The following MAPKAP1 variants were observed in gnomAD, a reference collection of about 807,000 sequenced individuals.
MAPKAP1 encodes target of rapamycin complex 2 subunit MAPKAP1.
MAPKAP1 carries 20 observed loss-of-function variants against 65.7 expected under a neutral mutation model. The ratio of observed to expected loss-of-function variants is 0.30; its 90% CI spans 0.21 to 0.44. The LOEUF (loss-of-function observed/expected upper bound fraction) is 0.44. Ranked by LOEUF, MAPKAP1 falls within the 20% of genes least tolerant of loss-of-function variation. MAPKAP1 has a pLI of 1.00. For missense variants in MAPKAP1, 423 were observed against 648.0 expected (o/e 0.65, Z 3.77); for synonymous variants, 222 against 244.3 (o/e 0.91, Z 0.85).
rs1852415389 is a variant in MAPKAP1 at position 125,439,798 on chromosome 9, C to T, written c.1444-786G>A. Reference sequence around the variant, plus strand: ...CAGCGCTACAGCGCTGAGACTTGGTCCTGGCCCTGGGGAGCTTGCTGCCTG... The same window carrying T: ...CAGCGCTACAGCGCTGAGACTTGGTTCTGGCCCTGGGGAGCTTGCTGCCTG... On this transcript the variant is annotated intron_variant, in intron 11 of 11. Transcript: ENST00000265960. The surrounding 1 kb of genome is among the most constrained non-coding windows in gnomAD (Gnocchi z 4.0). Among the ~76,000 whole-genome samples, 1 of 152,248 alleles carries T rather than the reference C, an allele frequency of 6.6e-6. No individual in the cohort carries two copies. The highest frequency in any genetic ancestry group is 6.5e-5 in the Admixed American group (1 of 15,288).
chr9:125,606,626 A>AGG (rs1832447016), intron 4 of MAPKAP1, among the ~76,000 whole-genome samples: 2 of 152,184 alleles, frequency 1.3e-5, no homozygotes, highest in African/African-American at 4.8e-5. Context: ...GACAATGAAA[A>AGG]CTGGGTTGAA....
intron 4 of MAPKAP1, among the ~76,000 whole-genome samples, chr9:125,651,781 C>T (rs1054847633): frequency 6.6e-6 from 1 of 152,176 alleles, no homozygotes; most frequent in Admixed American, 6.5e-5. Flanking sequence ...ATTATGCAGC[C>T]AACTTCTTTC....
intron 8 of MAPKAP1, among the ~76,000 whole-genome samples, chr9:125,496,249 C>T (rs370934458): frequency 1.3e-5 from 2 of 152,200 alleles, no homozygotes; most frequent in African/African-American, 4.8e-5. Context: ...GTTTCTGTTT[C>T]ATTTAAATTC....
At chr9:125,533,108 C>T (rs893676513) in intron 7 of MAPKAP1, among the ~76,000 whole-genome samples, 3 of 152,088 alleles carry the variant, frequency 2.0e-5, no homozygotes, top group South Asian at 2.1e-4. Context: ...TACGCATACA[C>T]GCCTGCTTTG....
intron 7 of MAPKAP1, among the ~76,000 whole-genome samples, chr9:125,539,926 C>T (rs1377839532): frequency 6.6e-6 from 1 of 152,034 alleles, no homozygotes; most frequent in Non-Finnish European, 1.5e-5. Flanking sequence ...TAGACCTTAG[C>T]AGAGAATTGA....
chr9:125,464,497 T>G (rs949842750), intron 10 of MAPKAP1, among the ~76,000 whole-genome samples: 1 of 152,260 alleles, frequency 6.6e-6, no homozygotes, highest in Non-Finnish European at 1.5e-5. Context: ...GATTTAATTC[T>G]TAATTTCTCA....
chr9:125,521,669 C>T, intron 7 of MAPKAP1: 1 of 1,561,102 alleles, frequency 6.4e-7, no homozygotes, highest in South Asian at 1.2e-5. Flanking sequence ...AGGTTTCTGA[C>T]ATCCAGTCCA....
intron 4 of MAPKAP1, among the ~76,000 whole-genome samples, chr9:125,649,241 A>T (rs1271439822): frequency 6.6e-6 from 1 of 152,108 alleles, no homozygotes; most frequent in Admixed American, 6.6e-5. Context: ...TTCCAACCAG[A>T]TTCCCTCTTC....
chr9:125,604,734 C>T (rs1205044689), intron 4 of MAPKAP1, among the ~76,000 whole-genome samples: 2 of 152,180 alleles, frequency 1.3e-5, no homozygotes, highest in Non-Finnish European at 2.9e-5. Flanking sequence ...AGGGACTGTA[C>T]GTACTCGTGC....
rs1050607434 is a variant in MAPKAP1, at chr9:125,618,860, G to A, written c.499-33133C>T. 3.9e-5 allele frequency among the ~76,000 whole-genome samples: 6 copies of A among 152,268 alleles called. No individual in the cohort carries two copies. In the South Asian group the frequency reaches 6.2e-4, roughly 16 times the overall value. On this transcript the variant is annotated intron_variant, in intron 4 of 11. Coordinates refer to ENST00000265960, the MANE Select transcript of MAPKAP1 (RefSeq NM_001006617.3). ...TGAAAATTTGTCTTAGGCTGGGCATGGTGGCTCATGCCTGGAATATCAGCA... is the reference window on the plus strand; with the variant it reads ...TGAAAATTTGTCTTAGGCTGGGCATAGTGGCTCATGCCTGGAATATCAGCA...
At position 125,489,108 on chromosome 9, in the gene MAPKAP1, CAAGAG is replaced by C. The variant is rs1440374245; in HGVS notation, c.1067-4530_1067-4526del. 4.6e-5 allele frequency among the ~76,000 whole-genome samples: 7 copies of C among 152,174 alleles called. No individual in the cohort carries two copies. In the East Asian group the frequency reaches 1.4e-3, roughly 29 times the overall value. ...TCACATTAAAAAGTCCACTTCTGTTCAAGAGAAGACATTTTTAGCAACTCAAAGTG... is the reference window on the plus strand; with the variant it reads ...TCACATTAAAAAGTCCACTTCTGTTCAAGACATTTTTAGCAACTCAAAGTG... On this transcript the variant is annotated intron_variant, in intron 8 of 11. Coordinates refer to ENST00000265960, the MANE Select transcript of MAPKAP1 (RefSeq NM_001006617.3).
chr9:125,660,333 T>C (rs190288501), intron 3 of MAPKAP1, among the ~76,000 whole-genome samples: 139 of 152,286 alleles, frequency 9.1e-4, no homozygotes, highest in Non-Finnish European at 7.8e-4. Context: ...TGCTCTATAC[T>C]TGTCTGGGAT....
chr9:125,577,650 C>A, intron 5 of MAPKAP1, among the ~76,000 whole-genome samples: 1 of 13,960 alleles, frequency 7.2e-5, no homozygotes, highest in Non-Finnish European at 1.2e-4. Context: ...CCGCCCCGTC[C>A]AGGAGGGAGG....
At chr9:125,693,700 T>TATATATACAC (rs1463772113) in intron 1 of MAPKAP1, among the ~76,000 whole-genome samples, 1 of 77,642 alleles carries the variant, frequency 1.3e-5, no homozygotes, top group Non-Finnish European at 2.5e-5. Context: ...TATATACACG[T>TATATATACAC]ATATATACAC....
intron 7 of MAPKAP1, among the ~76,000 whole-genome samples, chr9:125,530,166 A>C (rs1413199476): frequency 1.3e-5 from 2 of 152,180 alleles, no homozygotes; most frequent in Non-Finnish European, 2.9e-5. Flanking sequence ...TTTTCATAGA[A>C]AGTAGCTAAA....
intron 4 of MAPKAP1, among the ~76,000 whole-genome samples, chr9:125,649,864 T>G (rs780782818): frequency 1.1e-4 from 17 of 152,042 alleles, no homozygotes; most frequent in Non-Finnish European, 1.8e-4. Context: ...ACCTGGATTC[T>G]ATGCCCAGCT....
intron 4 of MAPKAP1, chr9:125,652,082 C>T: frequency 8.0e-7 from 1 of 1,244,098 alleles, no homozygotes; most frequent in Non-Finnish European, 1.0e-6. Flanking sequence ...CCACTAAGGG[C>T]AATTTTTCTT....
intron 7 of MAPKAP1, among the ~76,000 whole-genome samples, chr9:125,509,825 G>A (rs752181144): frequency 4.6e-5 from 7 of 152,228 alleles, no homozygotes; most frequent in East Asian, 1.9e-4. Flanking sequence ...CCTGGGAAAC[G>A]TGGATCAGGG....
intron 5 of MAPKAP1, among the ~76,000 whole-genome samples, chr9:125,577,932 A>G (rs1831494226): frequency 1.3e-5 from 2 of 151,582 alleles, no homozygotes; most frequent in South Asian, 4.2e-4. Flanking sequence ...TGGGAGGTGT[A>G]CCCAACAGCT....
Sources: allele counts gnomAD v4.1 joint callset (sites outside exome capture counted in the v4.1 genomes callset), GRCh38; gene constraint gnomAD v4.1.1; non-coding constraint Gnocchi (gnomAD v3.1); transcripts MANE v1.5; gene names NCBI Gene and HGNC (gene_info 2026-07-23, HGNC 2026-07-21).